MYO3B: variants seen among roughly 807,000 people sequenced by gnomAD.
The protein encoded by MYO3B is myosin-IIIb.
Under a neutral mutation model 174.6 loss-of-function variants are expected in MYO3B, and 156 were observed. The ratio of observed to expected loss-of-function variants is 0.89; its 90% CI spans 0.78 to 1.02. The LOEUF (loss-of-function observed/expected upper bound fraction) is 1.02. Ranked by LOEUF, MYO3B falls within the 50% of genes least tolerant of loss-of-function variation. The pLI, the probability that MYO3B is intolerant of heterozygous loss-of-function variation, is 0.00. For synonymous variants in MYO3B, 563 were observed against 569.1 expected (o/e 0.99, Z 0.15); for missense variants, 1,632 against 1,639.4 (o/e 1.00, Z 0.08).
chr2:170,368,317 T>C (rs1341041043), intron 8 of MYO3B, among the ~76,000 whole-genome samples: 1 of 152,204 alleles, frequency 6.6e-6, no homozygotes, highest in Non-Finnish European at 1.5e-5. Flanking sequence ...TAAGGACAAG[T>C]GGCTTAAAAG....
chr2:170,577,901 G>T (rs1329992407), intron 32 of MYO3B, among the ~76,000 whole-genome samples: 1 of 152,208 alleles, frequency 6.6e-6, no homozygotes, highest in Admixed American at 6.5e-5. Flanking sequence ...AATATTAAAT[G>T]TGAAGGGGAA....
chr2:170,619,919 G>T lies in MYO3B; in HGVS notation c.3734-31709G>T, dbSNP rs1407700736. ...GCGCCACCATGCCTGGCTAATTTTT[G>T]TATTTTTAGTAGAGACAGGGTTTCA... is the stretch of plus-strand genomic sequence containing the variant. On this transcript the variant is annotated intron_variant, in intron 32 of 34. Coordinates refer to ENST00000408978, the MANE Select transcript of MYO3B (RefSeq NM_138995.5). Among the ~76,000 whole-genome samples the T allele has an allele frequency of 4.6e-5, 7 of 151,340 alleles. No individual in the cohort carries two copies. In the South Asian group the frequency reaches 1.5e-3, roughly 32 times the overall value.
At chr2:170,571,912 G>A (rs1692461278) in intron 32 of MYO3B, among the ~76,000 whole-genome samples, 1 of 152,202 alleles carries the variant, frequency 6.6e-6, no homozygotes, top group Non-Finnish European at 1.5e-5. Context: ...CTAACATGAT[G>A]ATGAAATGAT....
At chr2:170,493,823 G>A (rs911343802) in intron 25 of MYO3B, among the ~76,000 whole-genome samples, 10 of 152,142 alleles carry the variant, frequency 6.6e-5, no homozygotes, top group Non-Finnish European at 1.5e-4. Context: ...CAGTCCCCTG[G>A]AGAGGCCCAC....
intron 9 of MYO3B, among the ~76,000 whole-genome samples, chr2:170,378,087 T>A (rs1278505942): frequency 1.3e-5 from 2 of 151,960 alleles, no homozygotes; most frequent in Admixed American, 6.6e-5. Flanking sequence ...ATTAAAAAAA[T>A]AAACCAAGTT....
At chr2:170,486,299 C>CT (rs10715918) in intron 25 of MYO3B, among the ~76,000 whole-genome samples, 3,793 of 99,192 alleles carry the variant, frequency 0.038, 300 homozygotes, top group African/African-American at 0.12. Context: ...AGAATCCATT[C>CT]TTTTTTTTTT....
At chr2:170,462,197 T>A (rs888317969) in intron 23 of MYO3B, among the ~76,000 whole-genome samples, 1 of 152,214 alleles carries the variant, frequency 6.6e-6, no homozygotes, top group Non-Finnish European at 1.5e-5. Context: ...ATATCATTGT[T>A]TCAGCTGCAT....
chr2:170,190,794 G>C (rs2092531216), intron 1 of MYO3B, among the ~76,000 whole-genome samples: 1 of 152,040 alleles, frequency 6.6e-6, no homozygotes, highest in Non-Finnish European at 1.5e-5. Context: ...CCATCCAAGA[G>C]CCAAGGCCTA....
intron 30 of MYO3B, among the ~76,000 whole-genome samples, chr2:170,527,794 C>T (rs1373731650): frequency 6.6e-6 from 1 of 152,210 alleles, no homozygotes; most frequent in East Asian, 1.9e-4. Flanking sequence ...AGATGACTAC[C>T]TAGTACGTAG....
chr2:170,604,931 A>G (rs1041936752), intron 32 of MYO3B, among the ~76,000 whole-genome samples: 1 of 152,194 alleles, frequency 6.6e-6, no homozygotes, highest in Non-Finnish European at 1.5e-5. Flanking sequence ...GTCTCTCTTT[A>G]ACATAAACAC....
rs201886696 is a variant in MYO3B, at chr2:170,543,937, C to T, written c.3682C>T (p.Pro1228Ser). ...TDLLSSRICH[P>S]APDQQGLSLW... is the part of the protein sequence containing the mutation. ...TTTGCTGTCTTCTCGGATATGCCAT[C>T]CTGCTCCAGATCAGCAAGGATTGAG... Residue 1228 changes from proline (P) to serine (S), a missense_variant, in exon 32 of 35, where the codon CCT becomes TCT. By Grantham distance (74) the Pro-to-Ser change is moderately conservative (BLOSUM62 -1). Transcript: ENST00000408978. 1.1e-4 allele frequency: 173 copies of T among 1,613,242 alleles called. No individual in the cohort carries two copies. The highest frequency in any genetic ancestry group is 1.4e-4 in the Non-Finnish European group (170 of 1,179,462).
Position 170,466,719 on chromosome 2 carries a change from C to T in MYO3B, c.3014+8C>T, listed in dbSNP as rs146293958. 16 of 1,613,252 alleles carry T rather than the reference C, an allele frequency of 9.9e-6. No homozygotes were observed. Among genetic ancestry groups the T allele is most frequent in the South Asian group, 7.7e-5 (7 of 90,958 alleles). ...TGAAGAATTTGTGAAAAGGTCAGAC[C>T]GTCATCTACGGGAATGCATTCTTAT... On this transcript the variant is annotated splice_region_variant and intron_variant, in intron 25 of 34. Coordinates refer to ENST00000408978, the MANE Select transcript of MYO3B (RefSeq NM_138995.5).
chr2:170,643,607 C>T (rs1164641375), intron 32 of MYO3B: 2 of 152,206 alleles, frequency 1.3e-5, no homozygotes. Flanking sequence ...GAACACTGAA[C>T]ACTCTGTTTG....
chr2:170,194,933 T>C (rs1467508937), intron 1 of MYO3B, among the ~76,000 whole-genome samples: 2 of 152,102 alleles, frequency 1.3e-5, no homozygotes, highest in Non-Finnish European at 2.9e-5. Context: ...TGTTTGAGGG[T>C]AGGAAGCATC....
At chr2:170,407,329 C>T (rs1374954960) in intron 21 of MYO3B, among the ~76,000 whole-genome samples, 1 of 152,056 alleles carries the variant, frequency 6.6e-6, no homozygotes, top group African/African-American at 2.4e-5. Flanking sequence ...GGCGTGGTGA[C>T]ATGTACCTGT....
intron 8 of MYO3B, 140 bp from the exon 9 acceptor site, chr2:170,369,082 A>G: frequency 3.4e-6 from 2 of 593,818 alleles, no homozygotes; most frequent in Non-Finnish European, 5.5e-6. Flanking sequence ...GTACATATTA[A>G]TTAAAGAGAG....
chr2:170,570,981 A>C (rs768121026), intron 32 of MYO3B, among the ~76,000 whole-genome samples: 1 of 152,196 alleles, frequency 6.6e-6, no homozygotes, highest in Non-Finnish European at 1.5e-5. Flanking sequence ...CACCAATAAC[A>C]TCTCTTTTGC....
At chr2:170,636,913 T>C (rs1697532819) in intron 32 of MYO3B, among the ~76,000 whole-genome samples, 1 of 151,948 alleles carries the variant, frequency 6.6e-6, no homozygotes, top group Non-Finnish European at 1.5e-5. Context: ...TGGAACTATC[T>C]TTTAGTTTGG....
chr2:170,539,621 TTA>T (rs1227977543), intron 30 of MYO3B, among the ~76,000 whole-genome samples: 3 of 26,058 alleles, frequency 1.2e-4, no homozygotes, highest in African/African-American at 1.1e-3. Flanking sequence ...TTTTATTTAT[TTA>T]TTTTTTTTTT....
Sources: gnomAD v4.1 joint callset for allele counts (sites outside exome capture counted in the v4.1 genomes callset) on GRCh38, gnomAD v4.1.1 for gene constraint, MANE v1.5 for transcripts, NCBI Gene and HGNC (gene_info 2026-07-23, HGNC 2026-07-21) for gene names.